SPATA7: variants seen among roughly 807,000 people sequenced by gnomAD.
SPATA7 encodes the protein spermatogenesis-associated protein 7.
Under a neutral mutation model 51.8 loss-of-function variants are expected in SPATA7, and 43 were observed. That is an observed-to-expected ratio of 0.83 (90% CI 0.65 to 1.07). SPATA7 has a LOEUF of 1.07. SPATA7 is among the 50% of genes least tolerant of loss of function. The pLI is 0.00. For missense variants in SPATA7, 683 were observed against 701.3 expected (o/e 0.97, Z 0.30); for synonymous variants, 230 against 252.8 (o/e 0.91, Z 0.86).
intron 4 of SPATA7, among the ~76,000 whole-genome samples, chr14:88,405,645 T>G (rs1054718532): frequency 3.3e-5 from 5 of 152,114 alleles, no homozygotes; most frequent in Non-Finnish European, 5.9e-5. Flanking sequence ...GCCAAAAGGA[T>G]GGAGTTATGA....
chr14:88,430,388 T>C (rs922818202), intron 8 of SPATA7, among the ~76,000 whole-genome samples: 1 of 152,158 alleles, frequency 6.6e-6, no homozygotes, highest in African/African-American at 2.4e-5. Context: ...CCAGTCTTCA[T>C]TGAATATTAA....
chr14:88,414,220 T>C (rs1212447943), intron 4 of SPATA7, among the ~76,000 whole-genome samples: 1 of 152,162 alleles, frequency 6.6e-6, no homozygotes, highest in African/African-American at 2.4e-5. Flanking sequence ...TTTTTTTTAT[T>C]ACTGGTTCGA....
At chr14:88,395,887 G>T (rs1329178263) in intron 3 of SPATA7, among the ~76,000 whole-genome samples, 1 of 151,968 alleles carries the variant, frequency 6.6e-6, no homozygotes, top group Non-Finnish European at 1.5e-5. Context: ...CCCCAAGCTT[G>T]TTTTGGGACT....
At chr14:88,419,847 C>T (rs764632483) in intron 5 of SPATA7, among the ~76,000 whole-genome samples, 5 of 151,932 alleles carry the variant, frequency 3.3e-5, no homozygotes, top group African/African-American at 7.3e-5. Flanking sequence ...TTTCTGGCTT[C>T]TTATTTCATA....
rs1487434350 is a variant in SPATA7, at chr14:88,385,852, T to C, written c.19+15T>C. ...CAGCCGGAGAGGTAAAGGGCAGCTG[T>C]CAGGGGCTACCGCCGCCTCGCCCCT... On this transcript the variant is annotated intron_variant, in intron 1 of 11. Transcript: ENST00000393545. 3 of 1,598,118 alleles carry C rather than the reference T, an allele frequency of 1.9e-6. No individual in the cohort carries two copies. The African/African-American group carries it at 4.0e-5, about 21-fold the overall frequency.
intron 4 of SPATA7, among the ~76,000 whole-genome samples, chr14:88,403,408 T>A (rs545441270): frequency 1.3e-5 from 2 of 152,144 alleles, no homozygotes; most frequent in Non-Finnish European, 2.9e-5. Flanking sequence ...AGTCAAGATA[T>A]AGAAACAACC....
Position 88,391,375 on chromosome 14 carries a change from TAA to T in SPATA7, c.20-3_20-2del. The T allele has an allele frequency of 6.2e-7, 1 of 1,611,362 alleles. No homozygotes were observed. Among genetic ancestry groups the T allele is most frequent in the Non-Finnish European group, 8.5e-7 (1 of 1,178,594 alleles). On this transcript the variant is annotated splice_region_variant and splice_polypyrimidine_tract_variant and intron_variant, in intron 1 of 11. Coordinates refer to ENST00000393545, the MANE Select transcript of SPATA7 (RefSeq NM_018418.5). ...CTAATTTATGATTTTTTTTTCTTGT[TAA>T]AAGTCAGAGCAACCTCTGTCCTTCC... is the stretch of plus-strand genomic sequence containing the variant.
At chr14:88,442,172 CTGTTTGTT>C (rs56376187), downstream of SPATA7, among the ~76,000 whole-genome samples, 148 of 149,462 alleles carry the variant, frequency 9.9e-4, no homozygotes, top group African/African-American at 3.3e-3. Flanking sequence ...GTCTATATGC[CTGTTTGTT>C]TGTTTGTTTG....
At chr14:88,408,621 C>T (rs1720536133) in intron 4 of SPATA7, among the ~76,000 whole-genome samples, 1 of 152,158 alleles carries the variant, frequency 6.6e-6, no homozygotes, top group African/African-American at 2.4e-5. Flanking sequence ...CCTGATTGCC[C>T]TGGCCTAAAC....
Position 88,391,405 on chromosome 14 carries a change from G to C in SPATA7, c.44G>C (p.Arg15Thr), listed in dbSNP as rs200551653. ...RRVRATSVLPRYGPPCLFKGH... is the reference protein window; with the variant it reads ...RRVRATSVLPTYGPPCLFKGH... ...GTCAGAGCAACCTCTGTCCTTCCCAGATATGGTCCACCGTGCCTATTTAAA... is the reference window on the plus strand; with the variant it reads ...GTCAGAGCAACCTCTGTCCTTCCCACATATGGTCCACCGTGCCTATTTAAA... The change falls in exon 2 of 12, where the codon AGA becomes ACA. Residue 15 changes from arginine (R) to threonine (T), a missense_variant. Coordinates refer to ENST00000393545, the MANE Select transcript of SPATA7 (RefSeq NM_018418.5). The C allele has an allele frequency of 6.2e-7, 1 of 1,613,324 alleles. No individual in the cohort carries two copies. The highest frequency in any genetic ancestry group is 8.5e-7 in the Non-Finnish European group (1 of 1,179,668).
intron 1 of SPATA7, among the ~76,000 whole-genome samples, chr14:88,390,464 G>T (rs1418510272): frequency 6.6e-6 from 1 of 152,042 alleles, no homozygotes; most frequent in Non-Finnish European, 1.5e-5. Context: ...CCCTTCACTG[G>T]GTTTAGCAAG....
At chr14:88,448,033 C>T (rs2077226318) in intron 3 of SPATA7, among the ~76,000 whole-genome samples, 1 of 151,810 alleles carries the variant, frequency 6.6e-6, no homozygotes, top group African/African-American at 2.4e-5. Flanking sequence ...CGTTGGCCTG[C>T]TTTGCTAGAT....
intron 5 of SPATA7, among the ~76,000 whole-genome samples, chr14:88,421,722 G>A (rs7147582): frequency 1.1e-4 from 17 of 152,190 alleles, no homozygotes; most frequent in Admixed American, 2.6e-4. Flanking sequence ...AGGCTGAGGC[G>A]GGCGGATCAC....
chr14:88,458,477 A>G (rs2077298768), downstream of SPATA7, among the ~76,000 whole-genome samples: 1 of 152,152 alleles, frequency 6.6e-6, no homozygotes, highest in East Asian at 1.9e-4. Context: ...CGAGGAATTT[A>G]TCCATTTCTT....
chr14:88,455,082 G>T (rs2077275693), exon 4 of SPATA7: 2 of 455,858 alleles, frequency 4.4e-6, no homozygotes, highest in Non-Finnish European at 8.8e-6. Context: ...GCTACTACTG[G>T]TCCGAAAACA....
chr14:88,423,115 C>T (rs2076690802), intron 5 of SPATA7, among the ~76,000 whole-genome samples: 2 of 152,100 alleles, frequency 1.3e-5, no homozygotes, highest in East Asian at 1.9e-4. Flanking sequence ...CAGTCTTCAC[C>T]CTGTAACTCT....
At chr14:88,396,632 C>G (rs1241605334) in intron 4 of SPATA7, among the ~76,000 whole-genome samples, 1 of 152,130 alleles carries the variant, frequency 6.6e-6, no homozygotes, top group Non-Finnish European at 1.5e-5. Context: ...GAATAAAATT[C>G]CATTCTGTGT....
chr14:88,399,836 C>T (rs1243917213), intron 4 of SPATA7, among the ~76,000 whole-genome samples: 1 of 152,116 alleles, frequency 6.6e-6, no homozygotes, highest in Non-Finnish European at 1.5e-5. Flanking sequence ...ATATATCATG[C>T]AATTGTGGAC....
At chr14:88,447,746 C>T (rs2077224426) in intron 3 of SPATA7, among the ~76,000 whole-genome samples, 1 of 152,056 alleles carries the variant, frequency 6.6e-6, no homozygotes, top group Non-Finnish European at 1.5e-5. Context: ...ACTTCTGAAG[C>T]TTAGTTTGGC....
Sources: allele counts gnomAD v4.1 joint callset (sites outside exome capture counted in the v4.1 genomes callset), GRCh38; gene constraint gnomAD v4.1.1; transcripts MANE v1.5; gene names NCBI Gene and HGNC (gene_info 2026-07-23, HGNC 2026-07-21).